The following BCAS3 variants were observed in gnomAD, a reference collection of about 807,000 sequenced individuals.
The protein encoded by BCAS3 is BCAS3 microtubule associated cell migration factor.
In BCAS3, 53 loss-of-function variants were observed where a neutral mutation model predicts 116.1. That is an observed-to-expected ratio of 0.46 (90% CI 0.37 to 0.57). The LOEUF (loss-of-function observed/expected upper bound fraction) is 0.57, where lower values mean the gene tolerates loss of function less well. Ranked by LOEUF, BCAS3 falls within the 20% of genes least tolerant of loss-of-function variation. The pLI is 0.00. For synonymous variants in BCAS3, 391 were observed against 408.2 expected, an observed-to-expected ratio of 0.96 and a Z score of 0.51; for missense variants, 917 against 1,165.4, an observed-to-expected ratio of 0.79 and a Z score of 3.10.
chr17:61,285,845 C>A lies in BCAS3; in HGVS notation c.2426-82482C>A, dbSNP rs1888523909. Among the ~76,000 whole-genome samples the A allele has an allele frequency of 1.3e-5, 2 of 152,152 alleles. No homozygotes were observed. Among genetic ancestry groups the A allele is most frequent in the African/African-American group, 4.8e-5 (2 of 41,430 alleles). ...TCATGTCTTCCCTCCCATCTCCAGT[C>A]CCTACTTTAGGCGAATCAGCTTTAG... On this transcript the variant is annotated intron_variant, in intron 22 of 23. Coordinates refer to ENST00000407086, the MANE Select transcript of BCAS3 (RefSeq NM_017679.5). The surrounding 1 kb of genome is among the most constrained non-coding windows in gnomAD (Gnocchi z 5.4).
intron 10 of BCAS3, chr17:60,899,790 C>T (rs2057758967): frequency 6.6e-6 from 1 of 152,186 alleles, no homozygotes; most frequent in African/African-American, 2.4e-5. Context: ...GCCACCACTC[C>T]AGGCCCCTGA....
intron 3 of BCAS3, among the ~76,000 whole-genome samples, 184 bp downstream of exon 3, chr17:60,684,220 G>T (rs537962098): frequency 6.6e-6 from 1 of 152,144 alleles, no homozygotes; most frequent in Non-Finnish European, 1.5e-5. Context: ...GATGACAGTG[G>T]CATAAATATT....
rs917430228 is a variant in BCAS3, at chr17:61,128,578, A to G, written c.2425+44014A>G. 1.1e-5 allele frequency: 11 copies of G among 985,288 alleles called. No homozygotes were observed. The African/African-American group carries it at 1.9e-4, about 17-fold the overall frequency. The allele number at this position is 985,288 out of a possible 1,614,324, so 61.0% of individuals were successfully genotyped here. A position where few individuals can be genotyped will look rare whatever the true frequency, so the allele number is the denominator to read the frequency against. ...CTGCTATACACAATCCCCAGCACTT[A>G]TAAAATAAAAAAAGTATGGAGAGAG... On this transcript the variant is annotated intron_variant, in intron 22 of 23. Transcript: ENST00000407086. This position sits in a 1 kb window ranked among gnomAD's most constrained non-coding sequence, Gnocchi z 4.1.
chr17:60,723,511 C>T (rs2039472461), intron 5 of BCAS3, among the ~76,000 whole-genome samples: 1 of 151,974 alleles, frequency 6.6e-6, no homozygotes, highest in Non-Finnish European at 1.5e-5. Context: ...CAGACATGAG[C>T]CATTCATTGT....
In BCAS3 at chr17:61,360,539, TG is replaced by T. The variant is rs760368707; in HGVS notation, c.2426-7786del. Among the ~76,000 whole-genome samples, 24 of 152,208 alleles carry T rather than the reference TG, an allele frequency of 1.6e-4. 1 individual carries two copies. Among genetic ancestry groups the T allele is most frequent in the Admixed American group, 1.0e-3 (16 of 15,268 alleles). ...CCATGCTGTCCTTCCTTGCTTCTTC[TG>T]GCTTCTCACCACTCCTGGCATTACT... On this transcript the variant is annotated intron_variant, in intron 22 of 23. Coordinates refer to ENST00000407086, the MANE Select transcript of BCAS3 (RefSeq NM_017679.5).
intron 22 of BCAS3, among the ~76,000 whole-genome samples, chr17:61,254,777 G>GAAAAAAA (rs61471068): frequency 2.7e-5 from 2 of 73,528 alleles, no homozygotes; most frequent in African/African-American, 6.3e-5. Context: ...CTCCGTCTCA[G>GAAAAAAA]AAAAAAAAAA....
At chr17:61,044,219 C>T (rs866493678) in intron 19 of BCAS3, among the ~76,000 whole-genome samples, 18 of 151,676 alleles carry the variant, frequency 1.2e-4, no homozygotes, top group South Asian at 6.2e-4. Context: ...AGACCAAGGC[C>T]GGCAGATCAC....
At chr17:61,272,636 C>CAAAAAAAAAAA (rs373837874) in intron 22 of BCAS3, among the ~76,000 whole-genome samples, 12 of 47,370 alleles carry the variant, frequency 2.5e-4, no homozygotes, top group African/African-American at 3.5e-4. Context: ...AACCCTGTCT[C>CAAAAAAAAAAA]AAAAAAAAAA....
intron 22 of BCAS3, among the ~76,000 whole-genome samples, chr17:61,284,676 T>TC (rs60119411): frequency 4.6e-5 from 7 of 151,578 alleles, no homozygotes; most frequent in Non-Finnish European, 8.8e-5. Context: ...TTTTTTTTTT[T>TC]CCCTCCTGCT....
In BCAS3 at chr17:61,156,797, T is replaced by C. The variant is rs774913730; in HGVS notation, c.2425+72233T>C. ...GCACACAAAAAATCTGCAGTGTGGA[T>C]ATAAGTTAATGCCCTGAAGCTGGTA... On this transcript the variant is annotated intron_variant, in intron 22 of 23. Coordinates refer to ENST00000407086, the MANE Select transcript of BCAS3 (RefSeq NM_017679.5). This position sits in a 1 kb window ranked among gnomAD's most constrained non-coding sequence, Gnocchi z 4.7. 2.0e-5 allele frequency among the ~76,000 whole-genome samples: 3 copies of C among 152,158 alleles called. No individual in the cohort carries two copies. The highest frequency in any genetic ancestry group is 2.9e-5 in the Non-Finnish European group (2 of 68,030).
At chr17:60,923,908 A>G (rs2059232128) in intron 12 of BCAS3, among the ~76,000 whole-genome samples, 2 of 152,174 alleles carry the variant, frequency 1.3e-5, no homozygotes, top group African/African-American at 4.8e-5. Context: ...TCATACTATA[A>G]TATGAAAATG....
rs1017392670 is a variant in BCAS3, at chr17:60,964,511, G to C, written c.1221+17159G>C. ...TGTAGTTTTCTTTTCTTGTTGTCGT[G>C]TCCTTATCTGATTTTACTGTCAAGG... is the stretch of plus-strand genomic sequence containing the variant. On this transcript the variant is annotated intron_variant, in intron 14 of 23. Coordinates refer to ENST00000407086, the MANE Select transcript of BCAS3 (RefSeq NM_017679.5). This position sits in a 1 kb window ranked among gnomAD's most constrained non-coding sequence, Gnocchi z 4.6. Among the ~76,000 whole-genome samples, 6 of 151,988 alleles carry C rather than the reference G, an allele frequency of 3.9e-5. No homozygotes were observed. Among genetic ancestry groups the C allele is most frequent in the African/African-American group, 1.2e-4 (5 of 41,390 alleles).
Position 61,279,311 on chromosome 17 carries a change from T to G in BCAS3, c.2426-89016T>G, listed in dbSNP as rs533396378. Among the ~76,000 whole-genome samples the G allele has an allele frequency of 2.8e-3, 432 of 152,306 alleles. 1 individual carries two copies. The highest frequency in any genetic ancestry group is 4.9e-3 in the Non-Finnish European group (335 of 68,022). ...GAATTATATCTCAATAAATCTTTTT[T>G]TTTTTAAGGCAGCCTAGGTCTGACA... On this transcript the variant is annotated intron_variant, in intron 22 of 23. Transcript: ENST00000407086. The surrounding 1 kb of genome is among the most constrained non-coding windows in gnomAD (Gnocchi z 4.4).
At chr17:60,770,844 T>G (rs535178282) in intron 6 of BCAS3, among the ~76,000 whole-genome samples, 61 of 71,908 alleles carry the variant, frequency 8.5e-4, no homozygotes, top group East Asian at 3.9e-3. Flanking sequence ...GTTTTTTTTT[T>G]TTTTTTTTTT....
chr17:61,088,036 G>C lies in BCAS3; in HGVS notation c.2425+3472G>C, dbSNP rs1263956258. On this transcript the variant is annotated intron_variant, in intron 22 of 23. Transcript: ENST00000407086. The surrounding 1 kb of genome is among the most constrained non-coding windows in gnomAD (Gnocchi z 4.2). Reference sequence around the variant, plus strand: ...GTCCCTAATAAAAATACAAAAATTAGCTGGGCATGGTTTCACATGGCTGTA... The same window carrying C: ...GTCCCTAATAAAAATACAAAAATTACCTGGGCATGGTTTCACATGGCTGTA... Among the ~76,000 whole-genome samples the C allele has an allele frequency of 2.6e-5, 4 of 152,126 alleles. No individual in the cohort carries two copies. The East Asian group carries it at 7.7e-4, about 29-fold the overall frequency.
At chr17:61,006,065 G>A (rs1235571614) in intron 15 of BCAS3, among the ~76,000 whole-genome samples, 1 of 151,810 alleles carries the variant, frequency 6.6e-6, no homozygotes, top group Non-Finnish European at 1.5e-5. Flanking sequence ...TTTTGTTCTT[G>A]CGATAGTTTA....
At chr17:60,732,018 G>A (rs907091995) in intron 5 of BCAS3, among the ~76,000 whole-genome samples, 5 of 151,942 alleles carry the variant, frequency 3.3e-5, no homozygotes, top group Admixed American at 6.5e-5. Context: ...CAGGTGATCC[G>A]CCAGCCTCTG....
intron 10 of BCAS3, among the ~76,000 whole-genome samples, chr17:60,895,178 C>T (rs1261715692): frequency 6.7e-6 from 1 of 149,982 alleles, no homozygotes; most frequent in Admixed American, 6.6e-5. Flanking sequence ...AGCTGTGAAC[C>T]TGTCTAGTCC....
rs1297081691 is a variant in BCAS3, at chr17:61,307,967, AT to A, written c.2426-60358del. The stretch of plus-strand genomic sequence containing the variant: ...TCAAGATTTTCCAAGCACTCATTAA[AT>A]TGAGCAGAGAAGTAATCTATTTCAT... On this transcript the variant is annotated intron_variant, in intron 22 of 23. Coordinates refer to ENST00000407086, the MANE Select transcript of BCAS3 (RefSeq NM_017679.5). The surrounding 1 kb of genome is among the most constrained non-coding windows in gnomAD (Gnocchi z 4.7). Among the ~76,000 whole-genome samples the A allele has an allele frequency of 1.3e-5, 2 of 152,212 alleles. No homozygotes were observed. Among genetic ancestry groups the A allele is most frequent in the African/African-American group, 2.4e-5 (1 of 41,452 alleles).
Sources: allele counts gnomAD v4.1 joint callset (sites outside exome capture counted in the v4.1 genomes callset), GRCh38; gene constraint gnomAD v4.1.1; non-coding constraint Gnocchi (gnomAD v3.1); transcripts MANE v1.5; gene names NCBI Gene and HGNC (gene_info 2026-07-23, HGNC 2026-07-21).